ARHGEF38: variants seen among roughly 807,000 people sequenced by gnomAD.
ARHGEF38 encodes the protein Rho guanine nucleotide exchange factor 38, also known as Rho guanine nucleotide exchange factor (GEF) 38.
ARHGEF38 carries 79 observed loss-of-function variants against 79.9 expected under a neutral mutation model. That is an observed-to-expected ratio of 0.99 (90% CI 0.82 to 1.19). The LOEUF is 1.19. ARHGEF38 is among the 50% of genes most tolerant of loss of function. ARHGEF38 has a pLI of 0.00. For missense variants in ARHGEF38, 962 were observed against 907.2 expected (o/e 1.06, Z -0.78); for synonymous variants, 366 against 328.3 (o/e 1.11, Z -1.24).
intron 3 of ARHGEF38, among the ~76,000 whole-genome samples, chr4:105,615,605 G>T (rs746327904): frequency 1.1e-4 from 17 of 152,144 alleles, no homozygotes; most frequent in Non-Finnish European, 2.1e-4. Flanking sequence ...GTCCACTTTA[G>T]CATTTGTCAT....
chr4:105,625,754 G>C (rs186374411), intron 3 of ARHGEF38, among the ~76,000 whole-genome samples: 89 of 152,234 alleles, frequency 5.8e-4, no homozygotes, highest in African/African-American at 2.0e-3. Flanking sequence ...TTTTGATTTG[G>C]GGCAGCCAAA....
chr4:105,621,357 A>G (rs1728728985), intron 3 of ARHGEF38, among the ~76,000 whole-genome samples: 1 of 152,248 alleles, frequency 6.6e-6, no homozygotes, highest in African/African-American at 2.4e-5. Context: ...AAAGTATTAA[A>G]ACAAGACTGT....
In ARHGEF38 at chr4:105,679,309, TA is replaced by T. The variant is rs1228312093; in HGVS notation, c.*1374del. 1.2e-6 allele frequency: 1 copy of T among 804,898 alleles called. No homozygotes were observed. Among genetic ancestry groups the T allele is most frequent in the African/African-American group, 1.7e-5 (1 of 58,480 alleles). 49.9% of individuals were successfully genotyped at this position (804,898 alleles called of 1,614,324 possible). On this transcript the variant is annotated 3_prime_UTR_variant, in exon 14 of 14. Coordinates refer to ENST00000420470, the MANE Select transcript of ARHGEF38 (RefSeq NM_001242729.2). ...AGCCGGAATCATGCCACTTTGCCTG[TA>T]ACCTTTGACTCAATTGGAGGAATAT...
chr4:105,600,475 G>C (rs1164223530), intron 2 of ARHGEF38, among the ~76,000 whole-genome samples: 2 of 152,132 alleles, frequency 1.3e-5, no homozygotes, highest in Admixed American at 6.6e-5. Flanking sequence ...TCCTATGCTG[G>C]TTAATCCTCA....
intron 9 of ARHGEF38, among the ~76,000 whole-genome samples, chr4:105,656,169 C>T (rs1297493508): frequency 6.6e-6 from 1 of 152,142 alleles, no homozygotes; most frequent in East Asian, 1.9e-4. Context: ...ATCCTCGCTC[C>T]TCAGCCTCTC....
In ARHGEF38 at chr4:105,552,940, G is replaced by A. The variant is rs148016102; in HGVS notation, c.175G>A (p.Glu59Lys). ...GAGGAGGAGCCAATCTGACAGGACC[G>A]AATACAACCAGAAATTACAAGGTAA... The part of the protein sequence containing the change: ...TLRRSQSDRT[E>K]YNQKLQEKMT... Residue 59 changes from glutamate to lysine, a missense_variant, in exon 1 of 14, where the codon GAA (glutamate) becomes AAA (lysine). Transcript: ENST00000420470. The A allele has an allele frequency of 6.2e-7, 1 of 1,608,874 alleles. No individual in the cohort carries two copies. Among genetic ancestry groups the A allele is most frequent in the Non-Finnish European group, 8.5e-7 (1 of 1,178,364 alleles).
chr4:105,569,534 T>C (rs1188587322), intron 1 of ARHGEF38, among the ~76,000 whole-genome samples: 1 of 152,246 alleles, frequency 6.6e-6, no homozygotes, highest in Non-Finnish European at 1.5e-5. Flanking sequence ...ATCATGGTCG[T>C]AAAAACAATG....
intron 5 of ARHGEF38, among the ~76,000 whole-genome samples, chr4:105,643,872 C>CT (rs5860804): frequency 0.052 from 5,083 of 97,986 alleles, 350 homozygotes; most frequent in African/African-American, 0.13. Flanking sequence ...TGCCTTCCTA[C>CT]TTTTTTTTTT....
chr4:105,633,834 CA>C (rs1396753699), intron 4 of ARHGEF38, among the ~76,000 whole-genome samples: 1 of 152,092 alleles, frequency 6.6e-6, no homozygotes, highest in Non-Finnish European at 1.5e-5. Flanking sequence ...AGTTTAATAA[CA>C]ATACAAGAAT....
chr4:105,628,309 C>T (rs1341308715), intron 3 of ARHGEF38, among the ~76,000 whole-genome samples: 3 of 152,128 alleles, frequency 2.0e-5, no homozygotes, highest in Non-Finnish European at 4.4e-5. Flanking sequence ...TGTGTGTATG[C>T]AGGTCCACTG....
chr4:105,585,024 T>G (rs1255392423), intron 1 of ARHGEF38, among the ~76,000 whole-genome samples: 2 of 152,202 alleles, frequency 1.3e-5, no homozygotes, highest in Non-Finnish European at 2.9e-5. Flanking sequence ...CCCTATTTTT[T>G]TTCCTCTTCC....
chr4:105,647,319 A>G (rs1392435054), intron 6 of ARHGEF38, among the ~76,000 whole-genome samples: 1 of 150,680 alleles, frequency 6.6e-6, no homozygotes, highest in Non-Finnish European at 1.5e-5. Context: ...CCTTCTTTCC[A>G]TACTTCTTGC....
At chr4:105,577,564 G>C (rs1047679777) in intron 1 of ARHGEF38, among the ~76,000 whole-genome samples, 1 of 151,602 alleles carries the variant, frequency 6.6e-6, no homozygotes, top group Non-Finnish European at 1.5e-5. Context: ...TGTTGTTGTT[G>C]TTGTTGTTGT....
chr4:105,576,123 T>A (rs1726486502), intron 1 of ARHGEF38, among the ~76,000 whole-genome samples: 2 of 152,142 alleles, frequency 1.3e-5, no homozygotes, highest in Admixed American at 6.6e-5. Context: ...TCGCTTTAGT[T>A]ATTTGGGGGC....
intron 3 of ARHGEF38, among the ~76,000 whole-genome samples, chr4:105,628,718 A>AAC (rs544585833): frequency 1.0e-3 from 153 of 151,894 alleles, no homozygotes; most frequent in Non-Finnish European, 1.9e-3. Context: ...CATGCACACA[A>AAC]ACACACACAC....
At chr4:105,646,801 A>G (rs755483941) in intron 6 of ARHGEF38, among the ~76,000 whole-genome samples, 5 of 151,642 alleles carry the variant, frequency 3.3e-5, no homozygotes, top group Admixed American at 6.5e-5. Context: ...AGGTGTATCA[A>G]TGGGTTAATC....
chr4:105,645,778 A>G (rs1267220365), intron 6 of ARHGEF38, among the ~76,000 whole-genome samples: 1 of 152,162 alleles, frequency 6.6e-6, no homozygotes, highest in African/African-American at 2.4e-5. Context: ...AGGAAAGGGG[A>G]AGATCTAGGT....
At chr4:105,585,965 A>G (rs1214475595) in intron 1 of ARHGEF38, among the ~76,000 whole-genome samples, 1 of 151,948 alleles carries the variant, frequency 6.6e-6, no homozygotes, top group African/African-American at 2.4e-5. Flanking sequence ...TCCTAACCTC[A>G]GGTGATCCAC....
rs1560684618 is a variant in ARHGEF38 at position 105,561,479 on chromosome 4, A to AATGGAATGGAATGGAATG, written c.196+8518_196+8519insATGGAATGGAATGGAATG. 7 of 53,348 alleles carry AATGGAATGGAATGGAATG rather than the reference A, an allele frequency of 1.3e-4. 1 individual carries two copies. The highest frequency in any genetic ancestry group is 4.7e-4 in the African/African-American group (6 of 12,864). The allele number at this position is 53,348 out of a possible 1,614,324, so 3.3% of individuals were successfully genotyped here. A position where few individuals can be genotyped will look rare whatever the true frequency, so the allele number is the denominator to read the frequency against. On this transcript the variant is annotated intron_variant, in intron 1 of 13. Transcript: ENST00000420470. Reference sequence around the variant, plus strand: ...AGAATAGAATAGAATAGAATAGAATAGAATAGAATAGAATAGAATAGAATA... The same window carrying AATGGAATGGAATGGAATG: ...AGAATAGAATAGAATAGAATAGAATAATGGAATGGAATGGAATGGAATAGAATAGAATAGAATAGAATA...
Sources: gnomAD v4.1 joint callset for allele counts (sites outside exome capture counted in the v4.1 genomes callset) on GRCh38, gnomAD v4.1.1 for gene constraint, MANE v1.5 for transcripts, NCBI Gene and HGNC (gene_info 2026-07-23, HGNC 2026-07-21) for gene names.